The following PRIM2 variants were observed in gnomAD, a reference collection of about 807,000 sequenced individuals.
PRIM2 encodes the protein DNA primase subunit 2.
In PRIM2, 39 loss-of-function variants were observed where a neutral mutation model predicts 67.3. The ratio of observed to expected loss-of-function variants is 0.58; its 90% CI spans 0.45 to 0.76. The LOEUF (loss-of-function observed/expected upper bound fraction) is 0.76. Among genes scored for constraint, PRIM2 ranks in the 30% least tolerant of loss-of-function variants. The pLI is 0.00. For missense variants in PRIM2, 398 were observed against 598.7 expected, an observed-to-expected ratio of 0.66 and a Z score of 3.50; for synonymous variants, 143 against 198.7, an observed-to-expected ratio of 0.72 and a Z score of 2.36.
At chr6:57,644,115 G>A (rs1166840579) in intron 13 of PRIM2, among the ~76,000 whole-genome samples, 2 of 152,154 alleles carry the variant, frequency 1.3e-5, no homozygotes, top group Non-Finnish European at 2.9e-5. Context: ...TAGAGAATTA[G>A]GTCTTGACCA....
intron 7 of PRIM2, among the ~76,000 whole-genome samples, chr6:57,477,960 C>T (rs1410555321): frequency 6.6e-6 from 1 of 152,064 alleles, no homozygotes; most frequent in Non-Finnish European, 1.5e-5. Flanking sequence ...TCATGCACTG[C>T]ACTAAAATAT....
At chr6:57,523,774 T>G (rs1774680289) in intron 8 of PRIM2, among the ~76,000 whole-genome samples, 2 of 152,062 alleles carry the variant, frequency 1.3e-5, no homozygotes, top group South Asian at 4.1e-4. Context: ...TCCACTTTCA[T>G]GTAATTTCTG....
chr6:57,374,407 C>T (rs1769679962), intron 5 of PRIM2, among the ~76,000 whole-genome samples: 1 of 149,490 alleles, frequency 6.7e-6, no homozygotes, highest in Non-Finnish European at 1.5e-5. Flanking sequence ...CATTCTCCTG[C>T]CTCAGCCTCC....
At chr6:57,609,013 A>C (rs1201615926) in intron 12 of PRIM2, among the ~76,000 whole-genome samples, 1 of 152,140 alleles carries the variant, frequency 6.6e-6, no homozygotes, top group East Asian at 1.9e-4. Flanking sequence ...CTTTCCCAAT[A>C]GTTTGTGAGT....
chr6:57,427,206 T>C (rs1218382922), intron 7 of PRIM2, among the ~76,000 whole-genome samples: 1 of 152,244 alleles, frequency 6.6e-6, no homozygotes, highest in Non-Finnish European at 1.5e-5. Flanking sequence ...GGTTTTCTTA[T>C]TTTCCAGATT....
intron 6 of PRIM2, among the ~76,000 whole-genome samples, chr6:57,381,776 A>T (rs1353854826): frequency 6.6e-6 from 1 of 152,224 alleles, no homozygotes; most frequent in Non-Finnish European, 1.5e-5. Flanking sequence ...AGGTTAAGGA[A>T]TAAAAGTAAG....
chr6:57,261,724 G>T, the PRIM2 span, among the ~76,000 whole-genome samples: 1 of 152,274 alleles, frequency 6.6e-6, no homozygotes, highest in Non-Finnish European at 1.5e-5. Flanking sequence ...GAGACTGGGA[G>T]ATAAAAGGAA....
the PRIM2 span, among the ~76,000 whole-genome samples, chr6:57,262,940 T>G: frequency 6.6e-6 from 1 of 152,166 alleles, no homozygotes; most frequent in South Asian, 2.1e-4. Flanking sequence ...AAACATTTTA[T>G]ACTTATCAAC....
At chr6:57,459,943 C>T (rs1772944047) in intron 7 of PRIM2, among the ~76,000 whole-genome samples, 1 of 152,126 alleles carries the variant, frequency 6.6e-6, no homozygotes, top group Non-Finnish European at 1.5e-5. Flanking sequence ...TGAAAAGGTA[C>T]TGCCTGCAGC....
chr6:57,351,063 G>T (rs1248776517), intron 5 of PRIM2, among the ~76,000 whole-genome samples: 3 of 150,638 alleles, frequency 2.0e-5, no homozygotes, highest in Non-Finnish European at 4.4e-5. Flanking sequence ...AACTGCAACA[G>T]CTGAGTAAAT....
the PRIM2 span, among the ~76,000 whole-genome samples, chr6:57,281,049 T>C: frequency 6.6e-6 from 1 of 152,216 alleles, no homozygotes; most frequent in African/African-American, 2.4e-5. Flanking sequence ...TATTTGTCTT[T>C]TGTCTTTCTG....
At chr6:57,229,825 A>C in the PRIM2 span, among the ~76,000 whole-genome samples, 1 of 152,132 alleles carries the variant, frequency 6.6e-6, no homozygotes, top group Non-Finnish European at 1.5e-5. Context: ...TAATTATTTT[A>C]GTCCCTTTGC....
chr6:57,429,758 A>G (rs1242163906), intron 7 of PRIM2, among the ~76,000 whole-genome samples: 1 of 152,200 alleles, frequency 6.6e-6, no homozygotes, highest in African/African-American at 2.4e-5. Context: ...AACAGAGGAA[A>G]GACCCTGTGA....
At chr6:57,327,138 G>T (rs1767893022) in intron 5 of PRIM2, among the ~76,000 whole-genome samples, 1 of 152,050 alleles carries the variant, frequency 6.6e-6, no homozygotes, top group South Asian at 2.1e-4. Context: ...CTGACCTCAG[G>T]TGATACACCC....
intron 10 of PRIM2, among the ~76,000 whole-genome samples, chr6:57,586,584 T>C (rs1320372448): frequency 1.3e-5 from 2 of 152,156 alleles, no homozygotes; most frequent in Non-Finnish European, 2.9e-5. Context: ...TTTCTCACAA[T>C]GGGTATTTGT....
chr6:57,580,029 T>C (rs1441220022), intron 10 of PRIM2, among the ~76,000 whole-genome samples: 5 of 152,156 alleles, frequency 3.3e-5, no homozygotes, highest in Non-Finnish European at 7.4e-5. Flanking sequence ...TATAAAAATA[T>C]TGCTTTTCTT....
At chr6:57,551,458 TG>T (rs1775400994) in intron 10 of PRIM2, among the ~76,000 whole-genome samples, 1 of 152,224 alleles carries the variant, frequency 6.6e-6, no homozygotes, top group Non-Finnish European at 1.5e-5. Flanking sequence ...AGGATGATAT[TG>T]ATTAGGCACC....
At chr6:57,568,850 C>T (rs1480004996) in intron 10 of PRIM2, among the ~76,000 whole-genome samples, 21,580 of 152,226 alleles carry the variant, frequency 0.14, 2,534 homozygotes, top group African/African-American at 0.32. Flanking sequence ...CTGAAGGCCA[C>T]AGGCCAGGCC....
upstream of PRIM2, among the ~76,000 whole-genome samples, chr6:57,311,078 T>C (rs1467381346): frequency 1.5e-5 from 2 of 136,354 alleles, no homozygotes; most frequent in African/African-American, 2.8e-5. Context: ...GAGGTGCCCC[T>C]CACTTCCCAG....
Sources: allele counts gnomAD v4.1 joint callset (sites outside exome capture counted in the v4.1 genomes callset), GRCh38; gene constraint gnomAD v4.1.1; transcripts MANE v1.5; gene names NCBI Gene and HGNC (gene_info 2026-07-23, HGNC 2026-07-21).